ADGRB3: variants seen among roughly 807,000 people sequenced by gnomAD.
The protein encoded by ADGRB3 is brain-specific angiogenesis inhibitor 3.
Under a neutral mutation model 193.4 loss-of-function variants are expected in ADGRB3, and 37 were observed. The observed-to-expected ratio is 0.19, with a 90% CI of 0.15 to 0.25. The LOEUF (loss-of-function observed/expected upper bound fraction) is 0.25, where lower values mean the gene tolerates loss of function less well. Among genes scored for constraint, ADGRB3 ranks in the 10% least tolerant of loss-of-function variants. ADGRB3 has a pLI of 1.00. For missense variants in ADGRB3, 1,637 were observed against 1,852.9 expected (o/e 0.88, Z 2.14); for synonymous variants, 690 against 644.2 (o/e 1.07, Z -1.08).
intron 17 of ADGRB3, among the ~76,000 whole-genome samples, chr6:69,160,873 T>A (rs1056408196): frequency 6.6e-6 from 1 of 152,116 alleles, no homozygotes; most frequent in South Asian, 2.1e-4. Flanking sequence ...CCAAGATACA[T>A]GAGAAAGCCA....
rs549765297 is a variant in ADGRB3, at chr6:68,722,593, T to C, written c.757+83161T>C. On this transcript the variant is annotated intron_variant, in intron 3 of 31. Transcript: ENST00000370598. ...GATATTGAGTCAATTTGTGTTAAAT[T>C]TATTTCTTTTTCTTTTTTTTTTTTA... Among the ~76,000 whole-genome samples, 175 of 149,788 alleles carry C rather than the reference T, an allele frequency of 1.2e-3. 2 individuals carry two copies. The highest frequency in any genetic ancestry group is 3.9e-3 in the African/African-American group (163 of 41,396).
chr6:69,208,857 A>T (rs974425585), intron 17 of ADGRB3, among the ~76,000 whole-genome samples: 4 of 152,172 alleles, frequency 2.6e-5, no homozygotes, highest in East Asian at 1.9e-4. Context: ...TTATGGCTTG[A>T]TGGGTTAGAA....
At chr6:68,786,294 A>C (rs1240551035) in intron 3 of ADGRB3, among the ~76,000 whole-genome samples, 1 of 152,230 alleles carries the variant, frequency 6.6e-6, no homozygotes, top group Admixed American at 6.5e-5. Context: ...GAGGTCTAAC[A>C]TTTAAGTCTT....
intron 3 of ADGRB3, among the ~76,000 whole-genome samples, chr6:68,903,995 A>G (rs1766468892): frequency 1.4e-5 from 2 of 146,690 alleles, no homozygotes; most frequent in South Asian, 2.2e-4. Context: ...ACAATATGAA[A>G]AAAAAAAAAA....
intron 20 of ADGRB3, among the ~76,000 whole-genome samples, chr6:69,252,986 C>A (rs928348063): frequency 2.0e-5 from 3 of 151,934 alleles, no homozygotes; most frequent in African/African-American, 7.3e-5. Flanking sequence ...TGAGGTAGGT[C>A]TTGGGGTTCA....
At chr6:68,837,310 C>A (rs1768064909) in intron 3 of ADGRB3, among the ~76,000 whole-genome samples, 1 of 152,092 alleles carries the variant, frequency 6.6e-6, no homozygotes, top group Non-Finnish European at 1.5e-5. Context: ...AAGATGCTAA[C>A]AATTTGTACT....
In ADGRB3 at chr6:68,693,182, G is replaced by A. The variant is rs373652147; in HGVS notation, c.757+53750G>A. Among the ~76,000 whole-genome samples the A allele has an allele frequency of 5.3e-5, 8 of 151,748 alleles. No homozygotes were observed. In the East Asian group the frequency reaches 7.7e-4, roughly 15 times the overall value. ...GAACGTTTAAATGAGGTAGCAATGA[G>A]GAATTGCTGTGTTGTGTTACAGTAA... On this transcript the variant is annotated intron_variant, in intron 3 of 31. Transcript: ENST00000370598.
intron 17 of ADGRB3, among the ~76,000 whole-genome samples, chr6:69,107,079 T>A (rs1773235677): frequency 1.3e-5 from 2 of 152,060 alleles, no homozygotes; most frequent in South Asian, 4.1e-4. Context: ...ATAACTATCT[T>A]CCAAAAAAAA....
chr6:68,767,515 A>G (rs1479946528), intron 3 of ADGRB3, among the ~76,000 whole-genome samples: 2 of 152,202 alleles, frequency 1.3e-5, no homozygotes, highest in African/African-American at 4.8e-5. Flanking sequence ...AACTCTTAAT[A>G]AACTAGGTAT....
intron 8 of ADGRB3, among the ~76,000 whole-genome samples, chr6:68,968,424 T>C (rs1446267914): frequency 6.6e-6 from 1 of 152,254 alleles, no homozygotes; most frequent in African/African-American, 2.4e-5. Context: ...CGTTTTCTTA[T>C]GTCACGACTG....
At chr6:69,037,056 G>A (rs577997011) in intron 13 of ADGRB3, among the ~76,000 whole-genome samples, 17 of 152,060 alleles carry the variant, frequency 1.1e-4, no homozygotes, top group Non-Finnish European at 1.5e-4. Context: ...GGAGACAGAG[G>A]GAAATGCAGT....
intron 3 of ADGRB3, among the ~76,000 whole-genome samples, chr6:68,730,841 C>T (rs1256691137): frequency 5.9e-5 from 9 of 151,644 alleles, no homozygotes; most frequent in Admixed American, 3.3e-4. Flanking sequence ...TTAGCCAAAA[C>T]TCTGTAGTTA....
At chr6:69,202,424 T>C (rs1460101377) in intron 17 of ADGRB3, among the ~76,000 whole-genome samples, 4 of 152,122 alleles carry the variant, frequency 2.6e-5, no homozygotes, top group Non-Finnish European at 5.9e-5. Flanking sequence ...TTATAAATTC[T>C]ACATTCCAAT....
intron 17 of ADGRB3, among the ~76,000 whole-genome samples, chr6:69,083,178 C>A (rs967701384): frequency 3.9e-5 from 6 of 152,202 alleles, no homozygotes; most frequent in African/African-American, 1.2e-4. Flanking sequence ...TAATACATCT[C>A]ACATCTCACA....
chr6:69,046,670 A>G (rs1014852403), intron 13 of ADGRB3, among the ~76,000 whole-genome samples: 1 of 152,226 alleles, frequency 6.6e-6, no homozygotes, highest in African/African-American at 2.4e-5. Flanking sequence ...TGGAATGACT[A>G]ATCACCTGAA....
At chr6:69,237,195 C>A (rs62406851) in intron 19 of ADGRB3, among the ~76,000 whole-genome samples, 1 of 151,984 alleles carries the variant, frequency 6.6e-6, no homozygotes, top group South Asian at 2.1e-4. Context: ...ATATTGTGTA[C>A]TGTATAATAT....
chr6:68,704,209 G>T (rs919038493), intron 3 of ADGRB3, among the ~76,000 whole-genome samples: 1 of 152,170 alleles, frequency 6.6e-6, no homozygotes, highest in Non-Finnish European at 1.5e-5. Context: ...ATTGAGCAAA[G>T]CATGATGTTA....
intron 11 of ADGRB3, among the ~76,000 whole-genome samples, chr6:69,001,879 T>C (rs2150279264): frequency 6.6e-6 from 1 of 152,324 alleles, no homozygotes; most frequent in African/African-American, 2.4e-5. Context: ...TACATTAACA[T>C]GCAGTTGAAA....
chr6:68,909,809 G>A (rs1419672127), intron 3 of ADGRB3, among the ~76,000 whole-genome samples: 1 of 152,184 alleles, frequency 6.6e-6, no homozygotes, highest in African/African-American at 2.4e-5. Context: ...GTCTATCATT[G>A]TTGGACATTT....
Sources: gnomAD v4.1 joint callset for allele counts (sites outside exome capture counted in the v4.1 genomes callset) on GRCh38, gnomAD v4.1.1 for gene constraint, MANE v1.5 for transcripts, NCBI Gene and HGNC (gene_info 2026-07-23, HGNC 2026-07-21) for gene names.